Variants in WASHC2C observed in about 807,000 individuals in gnomAD.
The protein encoded by WASHC2C is WASH complex subunit 2C.
Under a neutral mutation model 142.2 loss-of-function variants are expected in WASHC2C, and 73 were observed. The observed-to-expected ratio is 0.51, with a 90% CI of 0.43 to 0.62. The LOEUF is 0.62. Ranked by LOEUF, WASHC2C falls within the 20% of genes least tolerant of loss-of-function variation. WASHC2C has a pLI of 0.00. For synonymous variants in WASHC2C, 337 were observed against 565.5 expected (o/e 0.60, Z 5.73); for missense variants, 969 against 1,531.7 (o/e 0.63, Z 6.13).
At chr10:45,751,633 C>T (rs1554874610) in intron 11 of WASHC2C, 80 bp downstream of exon 11, 4 of 710,104 alleles carry the variant, frequency 5.6e-6, no homozygotes, top group Non-Finnish European at 9.5e-6. Flanking sequence ...TGAAGTACTG[C>T]TTTACATGCT....
At chr10:45,738,163 C>G (rs2051513708) in intron 4 of WASHC2C, 118 bp downstream of exon 4, 1 of 1,601,678 alleles carries the variant, frequency 6.2e-7, no homozygotes, top group African/African-American at 1.3e-5. Context: ...AGGGACTGCT[C>G]CTGACAGCAG....
intron 29 of WASHC2C, among the ~76,000 whole-genome samples, chr10:45,789,960 G>A (rs1203814795): frequency 5.3e-5 from 8 of 152,206 alleles, no homozygotes; most frequent in Non-Finnish European, 1.0e-4. Flanking sequence ...GGGACTGCAG[G>A]CACAAGGTGA....
At chr10:45,742,517 C>T (rs1228973372) in intron 5 of WASHC2C, among the ~76,000 whole-genome samples, 7 of 151,976 alleles carry the variant, frequency 4.6e-5, no homozygotes, top group South Asian at 2.1e-4. Context: ...GGTTTCACCA[C>T]GTTGGCCAGG....
chr10:45,761,309 C>T lies in WASHC2C; in HGVS notation c.1635+1908C>T, dbSNP rs148170850. ...TAGGGGAGAGTCCTCAGAGAGAGCC[C>T]GATGGAGGCCATGTCGCCTTCTGTG... On this transcript the variant is annotated intron_variant, in intron 17 of 30. Transcript: ENST00000623400. 1.7e-4 allele frequency among the ~76,000 whole-genome samples: 26 copies of T among 152,254 alleles called. No homozygotes were observed. In the East Asian group the frequency reaches 4.4e-3, roughly 26 times the overall value.
intron 18 of WASHC2C, among the ~76,000 whole-genome samples, chr10:45,763,705 C>T (rs149462393): frequency 1.4e-4 from 21 of 151,188 alleles, no homozygotes; most frequent in African/African-American, 4.1e-4. Context: ...AGATTCTTGA[C>T]GCAGTTCTTT....
intron 19 of WASHC2C, among the ~76,000 whole-genome samples, 177 bp from the exon 20 acceptor site, chr10:45,769,272 C>T (rs2056315313): frequency 6.6e-6 from 1 of 151,260 alleles, no homozygotes; most frequent in Non-Finnish European, 1.5e-5. Context: ...CTCCCGCCAC[C>T]ACGCCCGGCT....
upstream of WASHC2C, chr10:45,727,163 T>A (rs1416604195): frequency 5.5e-5 from 80 of 1,446,900 alleles, no homozygotes; most frequent in East Asian, 1.9e-3. Context: ...CCCCTCAGCA[T>A]CGCAGGTCGG....
chr10:45,784,316 AC>A (rs2135707786), intron 23 of WASHC2C, among the ~76,000 whole-genome samples: 1 of 95,528 alleles, frequency 1.0e-5, no homozygotes, highest in Admixed American at 1.1e-4. Flanking sequence ...ATATATACAC[AC>A]ACATATATAT....
intron 5 of WASHC2C, among the ~76,000 whole-genome samples, chr10:45,740,902 G>A (rs1309140349): frequency 1.1e-5 from 1 of 87,410 alleles, no homozygotes; most frequent in Non-Finnish European, 2.4e-5. Context: ...ATAGAAAGAG[G>A]CCTTGTGACA....
chr10:45,785,584 A>G lies in WASHC2C; in HGVS notation c.2764A>G (p.Ile922Val). 3 of 1,613,976 alleles carry G rather than the reference A, an allele frequency of 1.9e-6. No individual in the cohort carries two copies. Among genetic ancestry groups the G allele is most frequent in the Non-Finnish European group, 2.5e-6 (3 of 1,179,858 alleles). ...SFKNQKHPES[I>V]QGSKEKGIWK... ...CAAAAACCAGAAACATCCTGAATCCATTCAAGGTAGTAAAGAAAAAGGCAT... is the reference window on the plus strand; with the variant it reads ...CAAAAACCAGAAACATCCTGAATCCGTTCAAGGTAGTAAAGAAAAAGGCAT... Residue 922 changes from isoleucine to valine, a missense_variant, in exon 26 of 31, where the codon ATT becomes GTT. Transcript: ENST00000623400.
At chr10:45,779,599 T>C (rs1554887486) in intron 23 of WASHC2C, among the ~76,000 whole-genome samples, 1 of 152,216 alleles carries the variant, frequency 6.6e-6, no homozygotes, top group East Asian at 1.9e-4. Flanking sequence ...CTGTCATAAC[T>C]GCCTAGCTCT....
intron 20 of WASHC2C, among the ~76,000 whole-genome samples, chr10:45,773,006 A>C (rs573802566): frequency 0.022 from 3,338 of 148,890 alleles, 106 homozygotes; most frequent in African/African-American, 0.077. Flanking sequence ...ATGAACCTGC[A>C]CTGGATAGTA....
intron 20 of WASHC2C, among the ~76,000 whole-genome samples, chr10:45,770,131 C>T (rs1232773033): frequency 3.3e-5 from 5 of 150,836 alleles, no homozygotes; most frequent in African/African-American, 1.2e-4. Context: ...GTCCCAGCTA[C>T]TTGGGAGGCT....
At chr10:45,739,490 G>C (rs1195225204) in intron 4 of WASHC2C, among the ~76,000 whole-genome samples, 2 of 151,666 alleles carry the variant, frequency 1.3e-5, no homozygotes, top group African/African-American at 4.9e-5. Flanking sequence ...TTGGTGATAT[G>C]AACAAACCTT....
At chr10:45,738,987 G>A (rs1328928332) in intron 4 of WASHC2C, among the ~76,000 whole-genome samples, 2 of 152,186 alleles carry the variant, frequency 1.3e-5, no homozygotes, top group Admixed American at 1.3e-4. Flanking sequence ...GATTACAGGT[G>A]TGAGCTACTG....
intron 19 of WASHC2C, among the ~76,000 whole-genome samples, chr10:45,768,104 G>GTA (rs2056130242): frequency 6.6e-6 from 1 of 151,214 alleles, no homozygotes; most frequent in Admixed American, 6.6e-5. Flanking sequence ...GTGCTTGCCT[G>GTA]TAATCCCAGC....
chr10:45,732,563 A>G (rs2050730566), intron 3 of WASHC2C, among the ~76,000 whole-genome samples: 1 of 152,194 alleles, frequency 6.6e-6, no homozygotes. Flanking sequence ...TTTAAAGTCA[A>G]TTGTTTCAAA....
chr10:45,784,776 A>G, intron 24 of WASHC2C, 45 bp from the exon 25 acceptor site: 1 of 1,594,974 alleles, frequency 6.3e-7, no homozygotes, highest in Non-Finnish European at 8.6e-7. Flanking sequence ...CTCTTTGTAA[A>G]TTGTTTTGCT....
At chr10:45,727,802 C>T (rs1408603483) in intron 2 of WASHC2C, among the ~76,000 whole-genome samples, 2 of 152,028 alleles carry the variant, frequency 1.3e-5, no homozygotes, top group African/African-American at 4.8e-5. Flanking sequence ...AGATCCGTTT[C>T]CGCCACACTG....
Sources: allele counts gnomAD v4.1 joint callset (sites outside exome capture counted in the v4.1 genomes callset), GRCh38; gene constraint gnomAD v4.1.1; transcripts MANE v1.5; gene names NCBI Gene and HGNC (gene_info 2026-07-23, HGNC 2026-07-21).